The following FSCN1 variants were observed in gnomAD, a reference collection of about 807,000 sequenced individuals.
FSCN1 encodes fascin.
A neutral mutation model predicts 39.7 loss-of-function variants in FSCN1; 10 were observed. The observed-to-expected ratio is 0.25, with a 90% CI of 0.16 to 0.43. The LOEUF (loss-of-function observed/expected upper bound fraction) is 0.43, where lower values mean the gene tolerates loss of function less well. Among genes scored for constraint, FSCN1 ranks in the 20% least tolerant of loss-of-function variants. The pLI is 1.00. For synonymous variants in FSCN1, 322 were observed against 320.0 expected, an observed-to-expected ratio of 1.01 and a Z score of -0.07; for missense variants, 525 against 723.8, an observed-to-expected ratio of 0.73 and a Z score of 3.15.
rs769278534 is a variant in FSCN1 at position 5,603,346 on chromosome 7, C to T, written c.922C>T (p.Arg308Cys). The T allele has an allele frequency of 1.9e-5, 30 of 1,613,550 alleles. No homozygotes were observed. The highest frequency in any genetic ancestry group is 2.3e-5 in the Non-Finnish European group (27 of 1,180,022). ...IDRDTKKCAF[R>C]THTGKYWTLT... ...CCGCGACACCAAAAAGTGTGCCTTCCGTACCCACACGGGCAAGTACTGGAC... is the reference window on the plus strand; with the variant it reads ...CCGCGACACCAAAAAGTGTGCCTTCTGTACCCACACGGGCAAGTACTGGAC... Residue 308 changes from arginine (R) to cysteine (C), a missense_variant, in exon 2 of 5, where the codon CGT (arginine) becomes TGT (cysteine). Coordinates refer to ENST00000382361, the MANE Select transcript of FSCN1 (RefSeq NM_003088.4). This position sits in a 1 kb window ranked among gnomAD's most constrained non-coding sequence, Gnocchi z 8.5.
At chr7:5,598,911 A>C (rs991497061) in intron 1 of FSCN1, among the ~76,000 whole-genome samples, 1 of 152,204 alleles carries the variant, frequency 6.6e-6, no homozygotes, top group Non-Finnish European at 1.5e-5. Context: ...GTAGGTAGAC[A>C]TGCAGGCCCT....
chr7:5,604,203 G>A (rs545034977), intron 4 of FSCN1, among the ~76,000 whole-genome samples, 173 bp downstream of exon 4: 2 of 152,224 alleles, frequency 1.3e-5, no homozygotes, highest in Admixed American at 6.5e-5. Flanking sequence ...GATGCAAGCA[G>A]CCCCTTTCCC....
At chr7:5,594,314 C>A (rs962261129) in intron 1 of FSCN1, among the ~76,000 whole-genome samples, 5 of 152,008 alleles carry the variant, frequency 3.3e-5, no homozygotes, top group African/African-American at 1.2e-4. Context: ...GTCTGCCCGG[C>A]CTTCCTCCAC....
rs763547291 is a variant in FSCN1, at chr7:5,603,855, T to C, written c.1112-8T>C. 1.2e-6 allele frequency: 2 copies of C among 1,610,358 alleles called. No homozygotes were observed. Among genetic ancestry groups the C allele is most frequent in the Non-Finnish European group, 1.7e-6 (2 of 1,177,448 alleles). ...GGAGGCTCACTGACTCCCCTCTTTC[T>C]GGGACAGGGGACTCAGAGCTCTTCC... is the stretch of plus-strand genomic sequence containing the variant. On this transcript the variant is annotated splice_region_variant and splice_polypyrimidine_tract_variant and intron_variant, in intron 3 of 4. Coordinates refer to ENST00000382361, the MANE Select transcript of FSCN1 (RefSeq NM_003088.4). This position sits in a 1 kb window ranked among gnomAD's most constrained non-coding sequence, Gnocchi z 8.5.
At chr7:5,601,197 CTTTTTTTT>C (rs534109521) in intron 1 of FSCN1, among the ~76,000 whole-genome samples, 2 of 115,552 alleles carry the variant, frequency 1.7e-5, no homozygotes, top group South Asian at 2.7e-4. Context: ...TTCTTTCTTC[CTTTTTTTT>C]TTTTTTTTTT....
At chr7:5,595,528 G>T (rs1785714135) in intron 1 of FSCN1, among the ~76,000 whole-genome samples, 2 of 152,216 alleles carry the variant, frequency 1.3e-5, no homozygotes, top group South Asian at 4.1e-4. Context: ...AAGGCAGCGG[G>T]TACAGGTTAT....
chr7:5,604,175 G>A (rs1785887066), intron 4 of FSCN1, 145 bp downstream of exon 4: 1 of 698,528 alleles, frequency 1.4e-6, no homozygotes, highest in African/African-American at 1.8e-5. Context: ...GGTGTCTGAT[G>A]GCCACCAGGG....
chr7:5,604,544 C>A (rs183533746), intron 4 of FSCN1, among the ~76,000 whole-genome samples: 1 of 152,150 alleles, frequency 6.6e-6, no homozygotes, highest in Non-Finnish European at 1.5e-5. Context: ...TCTCGGCTCA[C>A]TGCAACCTCT....
chr7:5,592,951 C>G lies in FSCN1; in HGVS notation c.15C>G (p.Gly5=). ...CTACTGCCACCATGACCGCCAACGG[C>G]ACAGCCGAGGCGGTGCAGATCCAGT... is the stretch of plus-strand genomic sequence containing the variant. MTAN[G]TAEAVQIQFG... is the part of the protein sequence containing the mutation. The change falls in exon 1 of 5, where the codon GGC becomes GGG. Residue 5 remains glycine (G), a synonymous_variant. Coordinates refer to ENST00000382361, the MANE Select transcript of FSCN1 (RefSeq NM_003088.4). The surrounding 1 kb of genome is among the most constrained non-coding windows in gnomAD (Gnocchi z 5.3). The G allele has an allele frequency of 6.5e-7, 1 of 1,550,268 alleles. No homozygotes were observed. The highest frequency in any genetic ancestry group is 8.7e-7 in the Non-Finnish European group (1 of 1,147,802).
chr7:5,595,195 G>C (rs192675624), intron 1 of FSCN1, among the ~76,000 whole-genome samples: 1 of 152,342 alleles, frequency 6.6e-6, no homozygotes, highest in African/African-American at 2.4e-5. Context: ...TGCAGGAGGG[G>C]GAAAGACCCC....
chr7:5,595,457 G>GAGCC (rs2128548738), intron 1 of FSCN1, among the ~76,000 whole-genome samples: 1 of 152,332 alleles, frequency 6.6e-6, no homozygotes, highest in African/African-American at 2.4e-5. Flanking sequence ...GGGACCTGCT[G>GAGCC]AGCCATGAGT....
At chr7:5,600,171 G>A (rs1026004214) in intron 1 of FSCN1, among the ~76,000 whole-genome samples, 1 of 152,154 alleles carries the variant, frequency 6.6e-6, no homozygotes, top group African/African-American at 2.4e-5. Context: ...CAGCACTTTG[G>A]GAGGCTGAGG....
At chr7:5,601,613 G>A (rs1441345463) in intron 1 of FSCN1, among the ~76,000 whole-genome samples, 1 of 152,172 alleles carries the variant, frequency 6.6e-6, no homozygotes, top group Non-Finnish European at 1.5e-5. Context: ...TGAGTTAGGA[G>A]GATCATGTGA....
At chr7:5,593,834 C>G in intron 1 of FSCN1, 66 bp downstream of exon 1, 1 of 1,097,174 alleles carries the variant, frequency 9.1e-7, no homozygotes, top group African/African-American at 1.6e-5. Flanking sequence ...CCGCGCCCCT[C>G]CAGCCTCCCG....
At chr7:5,602,850 C>T (rs866460772) in intron 1 of FSCN1, 1 of 215,948 alleles carries the variant, frequency 4.6e-6, no homozygotes. Context: ...TTTGCACCAC[C>T]ACTCCCAGCT....
At chr7:5,594,197 C>T (rs1472898240) in intron 1 of FSCN1, among the ~76,000 whole-genome samples, 3 of 152,186 alleles carry the variant, frequency 2.0e-5, no homozygotes, top group South Asian at 2.1e-4. Context: ...AGGCAAGGGT[C>T]GCCACCCGCA....
chr7:5,595,929 G>A (rs1347705481), intron 1 of FSCN1, among the ~76,000 whole-genome samples: 4 of 152,202 alleles, frequency 2.6e-5, no homozygotes, highest in Non-Finnish European at 5.9e-5. Context: ...GGGGCGTCTG[G>A]TGTGTGATTC....
intron 1 of FSCN1, among the ~76,000 whole-genome samples, chr7:5,596,690 G>C (rs1050856098): frequency 2.6e-5 from 4 of 152,202 alleles, no homozygotes; most frequent in African/African-American, 7.2e-5. Flanking sequence ...TGCTGGCTTG[G>C]GACATGCCCT....
chr7:5,599,692 C>G lies in FSCN1; in HGVS notation c.833-3565C>G, dbSNP rs997419158. Reference sequence around the variant, plus strand: ...GTAGTGGTGAGTGCCTGTGGTCCCACCTACTGGGGAGACTGAGGCAAGAGG... The same window carrying G: ...GTAGTGGTGAGTGCCTGTGGTCCCAGCTACTGGGGAGACTGAGGCAAGAGG... On this transcript the variant is annotated intron_variant, in intron 1 of 4. Transcript: ENST00000382361. This position sits in a 1 kb window ranked among gnomAD's most constrained non-coding sequence, Gnocchi z 5.6. Among the ~76,000 whole-genome samples the G allele has an allele frequency of 6.6e-6, 1 of 151,976 alleles. No individual in the cohort carries two copies.
Sources: gnomAD v4.1 joint callset for allele counts (sites outside exome capture counted in the v4.1 genomes callset) on GRCh38, gnomAD v4.1.1 for gene constraint, Gnocchi (gnomAD v3.1) non-coding constraint, MANE v1.5 for transcripts, NCBI Gene and HGNC (gene_info 2026-07-23, HGNC 2026-07-21) for gene names.